The following SERPINA9 variants were observed in gnomAD, a reference collection of about 807,000 sequenced individuals.
SERPINA9 encodes the protein serpin family A member 9.
Under a neutral mutation model 24.5 loss-of-function variants are expected in SERPINA9, and 32 were observed. That is an observed-to-expected ratio of 1.30 (90% CI 0.98 to 1.75). The LOEUF (loss-of-function observed/expected upper bound fraction) is 1.75, where lower values mean the gene tolerates loss of function less well. Among genes scored for constraint, SERPINA9 ranks in the 40% most tolerant of loss-of-function variants. The pLI, the probability that SERPINA9 is intolerant of heterozygous loss-of-function variation, is 0.00. For missense variants in SERPINA9, 594 were observed against 497.1 expected, an observed-to-expected ratio of 1.19 and a Z score of -1.85; for synonymous variants, 233 against 197.7, an observed-to-expected ratio of 1.18 and a Z score of -1.50.
chr14:94,466,582 G>A (rs1956713), intron 3 of SERPINA9, among the ~76,000 whole-genome samples: 131,474 of 152,228 alleles, frequency 0.86, 56,813 homozygotes, highest in East Asian at 0.94. Flanking sequence ...CATATTTTTT[G>A]TACTCACCAT....
chr14:94,474,719 C>T (rs1180642293), intron 1 of SERPINA9, among the ~76,000 whole-genome samples: 1 of 152,068 alleles, frequency 6.6e-6, no homozygotes, highest in Admixed American at 6.5e-5. Flanking sequence ...GGGCACTGCT[C>T]GTTGGGGTGA....
intron 1 of SERPINA9, among the ~76,000 whole-genome samples, chr14:94,475,129 T>C (rs1899523112): frequency 1.3e-5 from 2 of 152,222 alleles, no homozygotes; most frequent in South Asian, 2.1e-4. Flanking sequence ...CCCCCAGGCC[T>C]GTGTCTTCAT....
At chr14:94,472,002 T>C (rs1899345152) in intron 1 of SERPINA9, among the ~76,000 whole-genome samples, 1 of 152,172 alleles carries the variant, frequency 6.6e-6, no homozygotes, top group African/African-American at 2.4e-5. Flanking sequence ...CTTAAGAAAC[T>C]TCACCAATTT....
intron 4 of SERPINA9, 66 bp downstream of exon 4, chr14:94,464,641 G>A (rs1898907325): frequency 1.5e-6 from 2 of 1,307,798 alleles, no homozygotes; most frequent in South Asian, 2.7e-5. Flanking sequence ...CGAAATAAGA[G>A]CATGTGATTA....
In SERPINA9 at chr14:94,469,341, T is replaced by C; in HGVS notation, c.500A>G (p.Asn167Ser). ...EAEVFSTDFS[N>S]PSIAQARINS... ...GATCCTCGCCTGGGCAATGGAGGGG[T>C]TGGAGAAATCTGTAGAAAAGACTTC... The change falls in exon 2 of 5, where the codon AAC (asparagine) becomes AGC (serine). Residue 167 changes from asparagine to serine, a missense_variant. Asn to Ser is a conservative substitution (Grantham distance 46, BLOSUM62 1). Transcript: ENST00000674397. The C allele has an allele frequency of 6.2e-7, 1 of 1,613,950 alleles. No individual in the cohort carries two copies. Among genetic ancestry groups the C allele is most frequent in the Non-Finnish European group, 8.5e-7 (1 of 1,180,034 alleles).
chr14:94,470,909 G>A (rs8014489), intron 1 of SERPINA9, among the ~76,000 whole-genome samples: 15,505 of 152,122 alleles, frequency 0.1, 969 homozygotes, highest in Middle Eastern at 0.22. Context: ...AACCCTGTGC[G>A]TTGACCCTGA....
At chr14:94,470,092 A>C in intron 1 of SERPINA9, 1 of 880,718 alleles carries the variant, frequency 1.1e-6, no homozygotes, top group Non-Finnish European at 1.5e-6. Flanking sequence ...ACTTACCCCA[A>C]ATAGCATGGT....
chr14:94,463,252 C>T lies in SERPINA9; in HGVS notation c.1095G>A (p.Glu365=), dbSNP rs1247102610. The change falls in exon 5 of 5, where the codon GAG becomes GAA. Residue 365 remains glutamate, a synonymous_variant. Coordinates refer to ENST00000674397, the MANE Select transcript of SERPINA9 (RefSeq NM_175739.4). The part of the protein sequence containing the change: ...AVLDVSEEGT[E]ATAATTTKFI... ...ACTTGGTGGTGGTAGCTGCTGTGGC[C>T]TCAGTGCCCTCTTCACTGACATCCA... 6.8e-6 allele frequency: 11 copies of T among 1,614,190 alleles called. No homozygotes were observed. Among genetic ancestry groups the T allele is most frequent in the Non-Finnish European group, 9.3e-6 (11 of 1,180,034 alleles).
chr14:94,472,702 T>A (rs1204228557), intron 1 of SERPINA9, among the ~76,000 whole-genome samples: 3 of 152,130 alleles, frequency 2.0e-5, no homozygotes, highest in African/African-American at 7.2e-5. Flanking sequence ...AGTGTGTGTG[T>A]GTGATGAGTA....
chr14:94,467,973 A>G (rs553114664), intron 2 of SERPINA9, among the ~76,000 whole-genome samples: 1 of 147,948 alleles, frequency 6.8e-6, no homozygotes, highest in South Asian at 2.1e-4. Context: ...GGATGGATAA[A>G]TGGGTGGATA....
At chr14:94,473,519 CAAAAAAAAAA>C (rs60938632) in intron 1 of SERPINA9, among the ~76,000 whole-genome samples, 1 of 82,800 alleles carries the variant, frequency 1.2e-5, no homozygotes, top group Non-Finnish European at 2.4e-5. Flanking sequence ...AACTCTGTCT[CAAAAAAAAAA>C]AAAAAAAAAA....
At chr14:94,475,592 A>C (rs1899571229) in intron 1 of SERPINA9, among the ~76,000 whole-genome samples, 3 of 151,734 alleles carry the variant, frequency 2.0e-5, no homozygotes, top group Middle Eastern at 3.4e-3. Context: ...TCTCTCCCCT[A>C]CACCTCCACT....
At chr14:94,467,465 T>A in intron 2 of SERPINA9, 83 bp from the exon 3 acceptor site, 1 of 1,298,568 alleles carries the variant, frequency 7.7e-7, no homozygotes, top group Non-Finnish European at 1.1e-6. Flanking sequence ...GGGAATTACT[T>A]CTAGTGGGTA....
intron 1 of SERPINA9, among the ~76,000 whole-genome samples, chr14:94,471,577 T>C (rs77711003): frequency 0.099 from 15,040 of 152,314 alleles, 904 homozygotes; most frequent in Middle Eastern, 0.2. Flanking sequence ...TTTCCACTTA[T>C]GTGATTGGCG....
chr14:94,474,362 C>A (rs1448695114), intron 1 of SERPINA9, among the ~76,000 whole-genome samples: 1 of 152,168 alleles, frequency 6.6e-6, no homozygotes, highest in African/African-American at 2.4e-5. Context: ...CACCTGAAGT[C>A]GGGGAGTTGG....
intron 4 of SERPINA9, 66 bp downstream of exon 4, chr14:94,464,641 G>C (rs1898907325): frequency 4.6e-6 from 6 of 1,307,680 alleles, no homozygotes; most frequent in South Asian, 4.0e-5. Flanking sequence ...CGAAATAAGA[G>C]CATGTGATTA....
Position 94,462,739 on chromosome 14 carries a change from T to G in SERPINA9, c.*354A>C. The G allele has an allele frequency of 4.0e-6, 1 of 251,406 alleles. No individual in the cohort carries two copies. Among genetic ancestry groups the G allele is most frequent in the Non-Finnish European group, 7.8e-6 (1 of 128,828 alleles). The allele number at this position is 251,406 out of a possible 1,614,324, so 15.6% of individuals were successfully genotyped here. ...GACTCTGTTGACAGATGAATTCATATTTTAGTTTTATTGAATGTGTTATTG... is the reference window on the plus strand; with the variant it reads ...GACTCTGTTGACAGATGAATTCATAGTTTAGTTTTATTGAATGTGTTATTG... On this transcript the variant is annotated 3_prime_UTR_variant, in exon 5 of 5. Transcript: ENST00000674397.
chr14:94,464,813 G>A lies in SERPINA9; in HGVS notation c.944C>T (p.Ser315Phe). Residue 315 changes from serine to phenylalanine, a missense_variant, in exon 4 of 5, where the codon TCC becomes TTC. By Grantham distance (155) the Ser-to-Phe change is radical (BLOSUM62 -2). Transcript: ENST00000674397. ...CGGGAGGATGGTTTCCAGATTGTAG[G>A]AGGCAGAAATGGAAAATCTGGGGAT... ...VFIPRFSISA[S>F]YNLETILPKM... 1 of 1,613,690 alleles carries A rather than the reference G, an allele frequency of 6.2e-7. No homozygotes were observed. Among genetic ancestry groups the A allele is most frequent in the East Asian group, 2.2e-5 (1 of 44,864 alleles).
chr14:94,468,976 C>T (rs922730509), intron 2 of SERPINA9, among the ~76,000 whole-genome samples: 1 of 152,146 alleles, frequency 6.6e-6, no homozygotes, highest in Non-Finnish European at 1.5e-5. Context: ...TGTAAACACA[C>T]CTCAAGACAC....
Sources: gnomAD v4.1 joint callset for allele counts (sites outside exome capture counted in the v4.1 genomes callset) on GRCh38, gnomAD v4.1.1 for gene constraint, MANE v1.5 for transcripts, NCBI Gene and HGNC (gene_info 2026-07-23, HGNC 2026-07-21) for gene names.